The following TMPRSS15 variants were observed in gnomAD, a reference collection of about 807,000 sequenced individuals.
TMPRSS15 encodes the protein enteropeptidase.
TMPRSS15 carries 128 observed loss-of-function variants against 125.3 expected under a neutral mutation model. The observed-to-expected ratio is 1.02, with a 90% CI of 0.89 to 1.18. TMPRSS15 has a LOEUF of 1.18. TMPRSS15 is among the 50% of genes most tolerant of loss of function. TMPRSS15 has a pLI of 0.00. For synonymous variants in TMPRSS15, 446 were observed against 423.2 expected (o/e 1.05, Z -0.66); for missense variants, 1,283 against 1,212.7 (o/e 1.06, Z -0.86).
At chr21:18,393,578 GA>G (rs1180942351) in intron 3 of TMPRSS15, among the ~76,000 whole-genome samples, 1 of 151,940 alleles carries the variant, frequency 6.6e-6, no homozygotes, top group Non-Finnish European at 1.5e-5. Flanking sequence ...CACAAGAAAA[GA>G]AAAAAATTTT....
At chr21:18,379,258 TA>T in intron 5 of TMPRSS15, 24 bp downstream of exon 5, 1 of 1,220,914 alleles carries the variant, frequency 8.2e-7, no homozygotes, top group Non-Finnish European at 1.1e-6. Flanking sequence ...TTTCAAAAAA[TA>T]ATAATAATAT....
intron 8 of TMPRSS15, among the ~76,000 whole-genome samples, chr21:18,355,720 G>C (rs974804772): frequency 1.1e-4 from 17 of 151,768 alleles, no homozygotes; most frequent in African/African-American, 4.1e-4. Flanking sequence ...AGGAGTAAAA[G>C]TAATTCTCAT....
intron 1 of TMPRSS15, among the ~76,000 whole-genome samples, chr21:18,454,161 C>T (rs938636004): frequency 6.6e-6 from 1 of 152,038 alleles, no homozygotes; most frequent in Non-Finnish European, 1.5e-5. Context: ...ACAGAGGATA[C>T]TCATGCTTGT....
At chr21:18,461,276 C>A (rs1978546131) in intron 1 of TMPRSS15, among the ~76,000 whole-genome samples, 1 of 152,136 alleles carries the variant, frequency 6.6e-6, no homozygotes, top group Admixed American at 6.6e-5. Flanking sequence ...CATGTAGTTA[C>A]ATTTCTTCCC....
chr21:18,389,663 A>G (rs942042583), intron 3 of TMPRSS15, among the ~76,000 whole-genome samples: 2 of 152,114 alleles, frequency 1.3e-5, no homozygotes, highest in African/African-American at 4.8e-5. Flanking sequence ...CCAACAGGAG[A>G]TGGGAAGGCA....
At chr21:18,321,313 C>G (rs2075232001) in intron 16 of TMPRSS15, among the ~76,000 whole-genome samples, 1 of 150,612 alleles carries the variant, frequency 6.6e-6, no homozygotes, top group Non-Finnish European at 1.5e-5. Flanking sequence ...AAAATAGCTC[C>G]AGAAGACAAG....
rs560721971 is a variant in TMPRSS15, at chr21:18,400,255, C to T, written c.146-1926G>A. Among the ~76,000 whole-genome samples, 3 of 152,120 alleles carry T rather than the reference C, an allele frequency of 2.0e-5. No individual in the cohort carries two copies. In the South Asian group the frequency reaches 6.2e-4, roughly 32 times the overall value. On this transcript the variant is annotated intron_variant, in intron 1 of 24. Transcript: ENST00000284885. ...AAATTCATATGGAACTAGGAAAGAG[C>T]CAGAATAGTCAAAGCAATCCTAAGC...
Position 18,416,705 on chromosome 21 carries a change from T to C in TMPRSS15, c.11-18376A>G, listed in dbSNP as rs553839317. On this transcript the variant is annotated intron_variant, in intron 1 of 7. Coordinates refer to the TMPRSS15 transcript ENST00000422787. ...TTGTAAAGAACTTTAAATTTAGTTA[T>C]CTTGTTTATGAGTTTAAATTATCTA... is the stretch of plus-strand genomic sequence containing the variant. Among the ~76,000 whole-genome samples, 21 of 152,216 alleles carry C rather than the reference T, an allele frequency of 1.4e-4. No individual in the cohort carries two copies. In the South Asian group the frequency reaches 3.5e-3, roughly 26 times the overall value.
chr21:18,352,971 C>A lies in TMPRSS15; in HGVS notation c.1103G>T (p.Arg368Met), dbSNP rs1399897574. The A allele has an allele frequency of 6.2e-7, 1 of 1,612,112 alleles. No individual in the cohort carries two copies. Among genetic ancestry groups the A allele is most frequent in the Non-Finnish European group, 8.5e-7 (1 of 1,178,878 alleles). Residue 368 changes from arginine to methionine, a missense_variant, in exon 10 of 25, where the codon AGG (arginine) becomes ATG (methionine). Transcript: ENST00000284885. ...AGGAGAAAAGGTGCTTCCCTGAATC[C>A]TTTCCCATTCATTATCATCATTTAG... ...QDLNDDNEWE[R>M]IQGSTFSPFT...
intron 16 of TMPRSS15, among the ~76,000 whole-genome samples, chr21:18,320,982 C>T (rs2824738): frequency 0.57 from 86,781 of 151,950 alleles, 25,449 homozygotes; most frequent in African/African-American, 0.7. Flanking sequence ...TAGTAACATA[C>T]GCTTGGTTTA....
At position 18,315,188 on chromosome 21, in the gene TMPRSS15, C is replaced by T. The variant is rs139992374; in HGVS notation, c.1990G>A (p.Gly664Ser). The T allele has an allele frequency of 5.0e-5, 81 of 1,613,812 alleles. No homozygotes were observed. The Middle Eastern group carries it at 1.2e-3, about 23-fold the overall frequency. ...GAGCCATCCTCACAGTGCAGATGAC[C>T]GTCACAGAGATTCACCAGTGGAACA... ...ECVPLVNLCD[G>S]HLHCEDGSDE... The change falls in exon 17 of 25, where the codon GGT becomes AGT. Residue 664 changes from glycine (G) to serine (S), a missense_variant. Physicochemically the swap from Gly to Ser is moderately conservative, Grantham distance 56 (BLOSUM62 0). Coordinates refer to ENST00000284885, the MANE Select transcript of TMPRSS15 (RefSeq NM_002772.3).
At chr21:18,355,738 A>G (rs2075618548) in intron 8 of TMPRSS15, among the ~76,000 whole-genome samples, 1 of 151,862 alleles carries the variant, frequency 6.6e-6, no homozygotes, top group African/African-American at 2.4e-5. Flanking sequence ...CATGTAAGAC[A>G]GTGACTGGTA....
chr21:18,326,011 G>C (rs1175776670), intron 16 of TMPRSS15, among the ~76,000 whole-genome samples: 2 of 151,970 alleles, frequency 1.3e-5, no homozygotes, highest in Non-Finnish European at 2.9e-5. Flanking sequence ...ATAAGTTAAT[G>C]ATGTTAATTA....
chr21:18,431,487 T>C (rs1352987944), intron 1 of TMPRSS15, among the ~76,000 whole-genome samples: 1 of 152,148 alleles, frequency 6.6e-6, no homozygotes, highest in Non-Finnish European at 1.5e-5. Context: ...TTCTTTGTCT[T>C]TTCAAAGATG....
chr21:18,484,733 T>C (rs1979046960), intron 1 of TMPRSS15, among the ~76,000 whole-genome samples: 1 of 151,834 alleles, frequency 6.6e-6, no homozygotes, highest in African/African-American at 2.4e-5. Context: ...TATATATGGG[T>C]GAATCTGTTT....
In TMPRSS15 at chr21:18,313,088, A is replaced by G. The variant is rs7281534; in HGVS notation, c.2033-11T>C. 0.36 allele frequency: 575,417 copies of G among 1,600,060 alleles called. 104,823 individuals are homozygous for G. The highest frequency in any genetic ancestry group is 0.37 in the South Asian group (34,001 of 90,768). On this transcript the variant is annotated splice_polypyrimidine_tract_variant and intron_variant, in intron 17 of 24. Transcript: ENST00000284885. ...CATTGAAAAAACGCACTAAAGACAC[A>G]GAGAGCATAATGGTAGTTACCAGAG...
At chr21:18,431,560 T>G (rs889343210) in intron 1 of TMPRSS15, among the ~76,000 whole-genome samples, 15 of 152,308 alleles carry the variant, frequency 9.8e-5, no homozygotes, top group Middle Eastern at 6.8e-3. Flanking sequence ...AATTTAAATT[T>G]CATTTTAAAT....
At chr21:18,412,620 G>T in intron 1 of TMPRSS15, among the ~76,000 whole-genome samples, 1 of 152,014 alleles carries the variant, frequency 6.6e-6, no homozygotes, top group East Asian at 1.9e-4. Flanking sequence ...TATTTTTAAC[G>T]ATGTCAGTTT....
At chr21:18,482,733 A>G (rs1054496242) in intron 1 of TMPRSS15, among the ~76,000 whole-genome samples, 1 of 151,678 alleles carries the variant, frequency 6.6e-6, no homozygotes, top group Admixed American at 6.6e-5. Flanking sequence ...AATGAAGCTT[A>G]TTTAAATTGT....
Sources: gnomAD v4.1 joint callset for allele counts (sites outside exome capture counted in the v4.1 genomes callset) on GRCh38, gnomAD v4.1.1 for gene constraint, MANE v1.5 for transcripts, NCBI Gene and HGNC (gene_info 2026-07-23, HGNC 2026-07-21) for gene names.